Variants in SGCZ observed in about 807,000 individuals in gnomAD.
SGCZ encodes the protein zeta-sarcoglycan.
In SGCZ, 40 loss-of-function variants were observed where a neutral mutation model predicts 41.3. The ratio of observed to expected loss-of-function variants is 0.97; its 90% confidence interval spans 0.75 to 1.26. SGCZ has a LOEUF of 1.26. SGCZ is among the 50% of genes most tolerant of loss of function. SGCZ has a pLI of 0.00. For synonymous variants in SGCZ, 206 were observed against 137.5 expected (o/e 1.50, Z -3.49); for missense variants, 552 against 369.8 (o/e 1.49, Z -4.04).
intron 1 of SGCZ, among the ~76,000 whole-genome samples, chr8:14,987,008 C>T (rs190310942): frequency 2.6e-5 from 4 of 151,050 alleles, no homozygotes; most frequent in African/African-American, 4.9e-5. Flanking sequence ...AATATAATTT[C>T]CCTGAAATGA....
chr8:14,098,412 C>A (rs2116970543), intron 7 of SGCZ, among the ~76,000 whole-genome samples: 1 of 152,246 alleles, frequency 6.6e-6, no homozygotes, highest in Non-Finnish European at 1.5e-5. Context: ...GGTCTCATTT[C>A]TTCTTGCTTG....
intron 2 of SGCZ, among the ~76,000 whole-genome samples, chr8:14,543,782 G>A (rs1246329059): frequency 1.3e-5 from 2 of 152,094 alleles, no homozygotes; most frequent in East Asian, 3.9e-4. Flanking sequence ...GATCTATCCA[G>A]TAAATTACAC....
At chr8:14,163,637 A>C (rs1426820888) in intron 5 of SGCZ, among the ~76,000 whole-genome samples, 2 of 152,188 alleles carry the variant, frequency 1.3e-5, no homozygotes, top group African/African-American at 2.4e-5. Context: ...TCAATCATTC[A>C]GATGAGGGAA....
rs878978948 is a variant in SGCZ, at chr8:14,164,506, A to G, written c.547+74T>C. 7.0e-6 allele frequency: 11 copies of G among 1,565,630 alleles called. No individual in the cohort carries two copies. The South Asian group carries it at 1.1e-4, about 16-fold the overall frequency. On this transcript the variant is annotated intron_variant, in intron 5 of 7. Coordinates refer to ENST00000382080, the MANE Select transcript of SGCZ (RefSeq NM_139167.4). ...TTTAGGCATAGGAATCATCCATCTT[A>G]TTAAGAAGCTCCTTGTGCAGTTGTA...
At position 15,129,712 on chromosome 8, in the gene SGCZ, A is replaced by AACAAC. The variant is rs1454662944; in HGVS notation, c.39+107872_39+107873insGTTGT. ...TAAAGTCAGAGAAGCATTTGCAAAA[A>AACAAC]AAAAAAAAAAAAATCACAGTTCTTC... is the stretch of plus-strand genomic sequence containing the variant. On this transcript the variant is annotated intron_variant, in intron 1 of 7. Transcript: ENST00000382080. 6.6e-5 allele frequency among the ~76,000 whole-genome samples: 10 copies of AACAAC among 151,408 alleles called. No individual in the cohort carries two copies. In the South Asian group the frequency reaches 8.4e-4, roughly 13 times the overall value.
intron 1 of SGCZ, among the ~76,000 whole-genome samples, chr8:15,166,296 G>A (rs2117052361): frequency 6.7e-6 from 1 of 148,796 alleles, no homozygotes; most frequent in East Asian, 2.0e-4. Context: ...CGCCCAGGCT[G>A]GAGTGCAGTG....
chr8:14,666,595 A>G (rs1290419317), intron 1 of SGCZ, among the ~76,000 whole-genome samples: 1 of 151,864 alleles, frequency 6.6e-6, no homozygotes, highest in Non-Finnish European at 1.5e-5. Flanking sequence ...AAACATATTT[A>G]TCAGTCTTTG....
chr8:14,567,073 C>T (rs960534987), intron 1 of SGCZ, among the ~76,000 whole-genome samples: 2 of 152,216 alleles, frequency 1.3e-5, no homozygotes, highest in African/African-American at 4.8e-5. Context: ...TAGCTGCCTC[C>T]CAGTGGGGCA....
chr8:14,375,645 G>C (rs778625955), intron 2 of SGCZ, among the ~76,000 whole-genome samples: 3 of 152,040 alleles, frequency 2.0e-5, no homozygotes, highest in Non-Finnish European at 2.9e-5. Context: ...GGCTGAAACA[G>C]AACATATATA....
intron 1 of SGCZ, among the ~76,000 whole-genome samples, chr8:14,740,961 T>C (rs757101517): frequency 1.3e-5 from 2 of 152,046 alleles, no homozygotes; most frequent in African/African-American, 2.4e-5. Context: ...CTGCAACATA[T>C]ACCATCCATC....
At chr8:14,617,366 T>C (rs932338743) in intron 1 of SGCZ, among the ~76,000 whole-genome samples, 5 of 152,172 alleles carry the variant, frequency 3.3e-5, no homozygotes, top group African/African-American at 9.7e-5. Flanking sequence ...CTTTATGCCA[T>C]TTTATAATGT....
chr8:15,234,833 C>G (rs1036960497), intron 1 of SGCZ, among the ~76,000 whole-genome samples: 2 of 152,156 alleles, frequency 1.3e-5, no homozygotes, highest in African/African-American at 4.8e-5. Context: ...TTATCAGAAT[C>G]TTTCTTTCTT....
intron 5 of SGCZ, among the ~76,000 whole-genome samples, chr8:14,132,832 G>A (rs184185143): frequency 6.6e-6 from 1 of 152,064 alleles, no homozygotes; most frequent in African/African-American, 2.4e-5. Context: ...GAATTGTGCT[G>A]GTTTTTGTTG....
At chr8:15,052,486 C>T (rs1023346559) in intron 1 of SGCZ, among the ~76,000 whole-genome samples, 9 of 152,118 alleles carry the variant, frequency 5.9e-5, no homozygotes, top group African/African-American at 2.2e-4. Flanking sequence ...GGGATCTGTG[C>T]ATCTGACAGT....
chr8:14,944,252 C>G (rs913085421), intron 1 of SGCZ, among the ~76,000 whole-genome samples: 1 of 151,968 alleles, frequency 6.6e-6, no homozygotes, highest in Non-Finnish European at 1.5e-5. Context: ...CATTTTAGTC[C>G]TCAGTTTTAA....
intron 5 of SGCZ, among the ~76,000 whole-genome samples, chr8:14,113,870 T>C (rs987552975): frequency 3.9e-5 from 6 of 152,052 alleles, no homozygotes; most frequent in African/African-American, 1.2e-4. Context: ...AGACAACTCA[T>C]GAGAACCCCT....
intron 4 of SGCZ, among the ~76,000 whole-genome samples, chr8:14,209,939 A>C (rs7007996): frequency 0.76 from 114,979 of 152,032 alleles, 44,593 homozygotes; most frequent in African/African-American, 0.92. Flanking sequence ...GAATAAATAC[A>C]TTTCTCATTT....
At chr8:14,641,404 C>A (rs28409315) in intron 1 of SGCZ, among the ~76,000 whole-genome samples, 3,166 of 151,734 alleles carry the variant, frequency 0.021, 106 homozygotes, top group African/African-American at 0.072. Flanking sequence ...AAAATCGTAA[C>A]ATTTGAAATA....
intron 1 of SGCZ, among the ~76,000 whole-genome samples, chr8:14,708,726 T>C (rs1015954742): frequency 6.6e-6 from 1 of 152,060 alleles, no homozygotes; most frequent in African/African-American, 2.4e-5. Context: ...TTTATCATAA[T>C]AGAAGAATAT....
Sources: allele counts gnomAD v4.1 joint callset (sites outside exome capture counted in the v4.1 genomes callset), GRCh38; gene constraint gnomAD v4.1.1; transcripts MANE v1.5; gene names NCBI Gene and HGNC (gene_info 2026-07-23, HGNC 2026-07-21).